KCNMB4: variants seen among roughly 807,000 people sequenced by gnomAD.
KCNMB4 encodes the protein calcium-activated potassium channel subunit beta-4.
A neutral mutation model predicts 20.7 loss-of-function variants in KCNMB4; 3 were observed. That is an observed-to-expected ratio of 0.14 (90% CI 0.07 to 0.37). The LOEUF is 0.37. Ranked by LOEUF, KCNMB4 falls within the 10% of genes least tolerant of loss-of-function variation. The pLI, the probability that KCNMB4 is intolerant of heterozygous loss-of-function variation, is 1.00. For missense variants in KCNMB4, 168 were observed against 265.9 expected, an observed-to-expected ratio of 0.63 and a Z score of 2.56; for synonymous variants, 110 against 113.4, an observed-to-expected ratio of 0.97 and a Z score of 0.19.
At position 70,394,332 on chromosome 12, in the gene KCNMB4, C is replaced by T. The variant is rs79450277; in HGVS notation, c.337-5877C>T. Among the ~76,000 whole-genome samples, 17 of 152,258 alleles carry T rather than the reference C, an allele frequency of 1.1e-4. No homozygotes were observed. The East Asian group carries it at 3.3e-3, about 30-fold the overall frequency. On this transcript the variant is annotated intron_variant, in intron 1 of 2. Coordinates refer to ENST00000258111, the MANE Select transcript of KCNMB4 (RefSeq NM_014505.6). ...TCTGTGGAACAGACTTTGACCATCTCTGCTCTAGGCTGGGCACTACTCTTT... is the reference window on the plus strand; with the variant it reads ...TCTGTGGAACAGACTTTGACCATCTTTGCTCTAGGCTGGGCACTACTCTTT...
intron 2 of KCNMB4, among the ~76,000 whole-genome samples, chr12:70,422,005 G>GT (rs1279695287): frequency 1.3e-5 from 2 of 151,452 alleles, no homozygotes; most frequent in Non-Finnish European, 2.9e-5. Flanking sequence ...AGGAGCCGCT[G>GT]TTTTTTTCTC....
At chr12:70,383,283 A>G (rs1883826736) in intron 1 of KCNMB4, among the ~76,000 whole-genome samples, 2 of 152,182 alleles carry the variant, frequency 1.3e-5, no homozygotes, top group South Asian at 4.1e-4. Flanking sequence ...TGTCAAGTAT[A>G]TTTCAGTAAA....
At chr12:70,430,369 C>A in intron 2 of KCNMB4, 116 bp from the exon 3 acceptor site, 1 of 1,066,012 alleles carries the variant, frequency 9.4e-7, no homozygotes, top group Non-Finnish European at 1.4e-6. Flanking sequence ...AGTCAGAGTG[C>A]AGCCTTTACT....
rs1869408219 is a variant in KCNMB4, at chr12:70,432,960, T to A, written c.*2307T>A. ...TTTTCATTTATCAGTTTGATATTCATGCATTTACACTAAACGCTTCCATTT... is the reference window on the plus strand; with the variant it reads ...TTTTCATTTATCAGTTTGATATTCAAGCATTTACACTAAACGCTTCCATTT... On this transcript the variant is annotated 3_prime_UTR_variant, in exon 3 of 3. Transcript: ENST00000258111. The A allele has an allele frequency of 6.6e-6, 1 of 152,210 alleles. No individual in the cohort carries two copies. Among genetic ancestry groups the A allele is most frequent in the African/African-American group, 2.4e-5 (1 of 41,458 alleles). 9.4% of individuals were successfully genotyped at this position (152,210 alleles called of 1,614,324 possible).
intron 2 of KCNMB4, among the ~76,000 whole-genome samples, chr12:70,406,946 G>A (rs775477595): frequency 6.6e-6 from 1 of 152,106 alleles, no homozygotes; most frequent in East Asian, 1.9e-4. Flanking sequence ...AATGTGTGGG[G>A]TATTTCCACA....
rs1002448293 is a variant in KCNMB4 at position 70,430,930 on chromosome 12, A to G, written c.*277A>G. 1.0e-4 allele frequency: 31 copies of G among 303,054 alleles called. 1 individual carries two copies. The South Asian group carries it at 2.1e-3, about 20-fold the overall frequency. The allele number at this position is 303,054 out of a possible 1,614,324, so 18.8% of individuals were successfully genotyped here. On this transcript the variant is annotated 3_prime_UTR_variant, in exon 3 of 3. Transcript: ENST00000258111. The stretch of plus-strand genomic sequence containing the variant: ...CCTATAAGAAGTTCATTTTCTTTCA[A>G]AAGTAACAGTATATTATTTGTACAG...
chr12:70,387,195 A>G (rs995662402), intron 1 of KCNMB4, among the ~76,000 whole-genome samples: 1 of 151,754 alleles, frequency 6.6e-6, no homozygotes, highest in Non-Finnish European at 1.5e-5. Context: ...ATAAAAATGT[A>G]TCATTCCGAC....
chr12:70,403,605 C>A (rs1391760893), intron 2 of KCNMB4, among the ~76,000 whole-genome samples: 1 of 152,144 alleles, frequency 6.6e-6, no homozygotes, highest in African/African-American at 2.4e-5. Flanking sequence ...GGATTACAGG[C>A]GGGAGCCTCT....
At chr12:70,378,018 C>G (rs1206871962) in intron 1 of KCNMB4, among the ~76,000 whole-genome samples, 2 of 149,838 alleles carry the variant, frequency 1.3e-5, no homozygotes, top group African/African-American at 4.9e-5. Context: ...GGTGTAATCT[C>G]GTCTCACTGC....
At chr12:70,401,261 A>G (rs1398508882) in intron 2 of KCNMB4, among the ~76,000 whole-genome samples, 2 of 152,164 alleles carry the variant, frequency 1.3e-5, no homozygotes, top group African/African-American at 4.8e-5. Flanking sequence ...CCTGACCTCA[A>G]GTGATCTGCC....
At chr12:70,391,246 A>G (rs1239997862) in intron 1 of KCNMB4, among the ~76,000 whole-genome samples, 1 of 152,188 alleles carries the variant, frequency 6.6e-6, no homozygotes, top group East Asian at 1.9e-4. Context: ...CCACTGTCAA[A>G]GATCCCTGTG....
intron 2 of KCNMB4, among the ~76,000 whole-genome samples, chr12:70,414,086 G>T (rs561268889): frequency 3.9e-5 from 6 of 152,196 alleles, no homozygotes; most frequent in Non-Finnish European, 7.4e-5. Flanking sequence ...ACAAAAATTA[G>T]CCAGGCGTGG....
intron 1 of KCNMB4, among the ~76,000 whole-genome samples, chr12:70,382,408 G>T (rs1240345422): frequency 7.3e-6 from 1 of 137,014 alleles, no homozygotes; most frequent in African/African-American, 2.8e-5. Context: ...ACTCCCGCCT[G>T]GGCGACAGAA....
intron 1 of KCNMB4, among the ~76,000 whole-genome samples, chr12:70,367,417 A>G (rs1451867410): frequency 2.0e-5 from 3 of 152,086 alleles, no homozygotes; most frequent in Non-Finnish European, 4.4e-5. Flanking sequence ...CCTCCATTTA[A>G]AGCCAGTGGT....
intron 1 of KCNMB4, among the ~76,000 whole-genome samples, chr12:70,395,482 G>A (rs182410292): frequency 5.3e-5 from 8 of 152,028 alleles, no homozygotes; most frequent in Admixed American, 4.6e-4. Context: ...ACTCAAAAAC[G>A]ATTCTATTAA....
chr12:70,400,258 G>T lies in KCNMB4; in HGVS notation c.386G>T (p.Ser129Ile), dbSNP rs769802305. 6.2e-7 allele frequency: 1 copy of T among 1,612,686 alleles called. No homozygotes were observed. The highest frequency in any genetic ancestry group is 1.3e-5 in the African/African-American group (1 of 74,912). ...CKRENQKNLE[S>I]VMNWQQYWKD... Reference sequence around the variant, plus strand: ...AGAGAAAATCAGAAGAATTTGGAAAGTGTCATGAATTGGCAACAGTACTGG... The same window carrying T: ...AGAGAAAATCAGAAGAATTTGGAAATTGTCATGAATTGGCAACAGTACTGG... Residue 129 changes from serine to isoleucine, a missense_variant, in exon 2 of 3, where the codon AGT becomes ATT. Ser to Ile is a moderately radical substitution (Grantham distance 142). Coordinates refer to ENST00000258111, the MANE Select transcript of KCNMB4 (RefSeq NM_014505.6).
intron 1 of KCNMB4, among the ~76,000 whole-genome samples, chr12:70,372,996 A>C (rs1193336439): frequency 6.6e-6 from 1 of 152,146 alleles, no homozygotes; most frequent in Non-Finnish European, 1.5e-5. Flanking sequence ...GAGCTGTGTG[A>C]GTGTGGGGTG....
chr12:70,430,551 C>A lies in KCNMB4; in HGVS notation c.531C>A (p.Pro177=). Residue 177 remains proline, a synonymous_variant, in exon 3 of 3, where the codon CCC becomes CCA. Transcript: ENST00000258111. ...TCCTCCTGCATTGCTTCCTCTGGCC[C>A]CTGGTGACATTTGTGGTGGGCGTTC... ...EIVLLHCFLW[P]LVTFVVGVLI... 6.2e-7 allele frequency: 1 copy of A among 1,613,994 alleles called. No homozygotes were observed. Among genetic ancestry groups the A allele is most frequent in the Admixed American group, 1.7e-5 (1 of 59,996 alleles).
At chr12:70,422,297 A>G (rs1432352028) in intron 2 of KCNMB4, among the ~76,000 whole-genome samples, 1 of 152,182 alleles carries the variant, frequency 6.6e-6, no homozygotes, top group Non-Finnish European at 1.5e-5. Flanking sequence ...CACAGACCAA[A>G]TTACTCTGAA....
Sources: gnomAD v4.1 joint callset for allele counts (sites outside exome capture counted in the v4.1 genomes callset) on GRCh38, gnomAD v4.1.1 for gene constraint, MANE v1.5 for transcripts, NCBI Gene and HGNC (gene_info 2026-07-23, HGNC 2026-07-21) for gene names.